Variants in SYNE1 observed in about 807,000 individuals in gnomAD.
SYNE1 encodes the protein nesprin-1.
Under a neutral mutation model 1,111.0 loss-of-function variants are expected in SYNE1, and 616 were observed. The ratio of observed to expected loss-of-function variants is 0.55; its 90% CI spans 0.52 to 0.59. The LOEUF (loss-of-function observed/expected upper bound fraction) is 0.59. SYNE1 is among the 20% of genes least tolerant of loss of function. The probability of loss-of-function intolerance (pLI) is 0.00; values close to 1 mark genes in which losing one functional copy is unlikely to be tolerated. For missense variants in SYNE1, 10,006 were observed against 10,417.0 expected (o/e 0.96, Z 1.72); for synonymous variants, 3,855 against 3,825.8 (o/e 1.01, Z -0.28).
At chr6:152,474,352 A>C (rs1056057409) in intron 14 of SYNE1, among the ~76,000 whole-genome samples, 1 of 152,196 alleles carries the variant, frequency 6.6e-6, no homozygotes, top group Non-Finnish European at 1.5e-5. Context: ...TTAGTAAAAC[A>C]TGACCCAAAA....
intron 98 of SYNE1, among the ~76,000 whole-genome samples, chr6:152,271,206 T>C (rs770044554): frequency 1.3e-5 from 2 of 152,212 alleles, no homozygotes; most frequent in Non-Finnish European, 2.9e-5. Flanking sequence ...TTTAGGGAAA[T>C]AGATGGGATC....
intron 128 of SYNE1, among the ~76,000 whole-genome samples, chr6:152,184,346 A>T (rs2069043794): frequency 6.6e-6 from 1 of 151,486 alleles, no homozygotes; most frequent in South Asian, 2.1e-4. Context: ...CTGAGGCAGT[A>T]GAACTGCTTG....
intron 3 of SYNE1, among the ~76,000 whole-genome samples, chr6:152,556,474 A>T (rs2099365376): frequency 6.6e-6 from 1 of 152,160 alleles, no homozygotes; most frequent in African/African-American, 2.4e-5. Flanking sequence ...GACTGCCCTC[A>T]CAGACCCAAG....
chr6:152,355,314 C>G (rs925518223), intron 66 of SYNE1, among the ~76,000 whole-genome samples: 1 of 152,184 alleles, frequency 6.6e-6, no homozygotes, highest in South Asian at 2.1e-4. Flanking sequence ...CTTATTATAG[C>G]TCATAATCTG....
intron 4 of SYNE1, among the ~76,000 whole-genome samples, chr6:152,537,492 T>G (rs1392272717): frequency 6.6e-6 from 1 of 152,030 alleles, no homozygotes; most frequent in Non-Finnish European, 1.5e-5. Flanking sequence ...AAAAGCATGT[T>G]TTAAAAAACA....
chr6:152,331,484 G>A lies in SYNE1; in HGVS notation c.13201C>T (p.Leu4401=). 1 of 1,614,086 alleles carries A rather than the reference G, an allele frequency of 6.2e-7. No homozygotes were observed. Among genetic ancestry groups the A allele is most frequent in the Non-Finnish European group, 8.5e-7 (1 of 1,179,978 alleles). Reference sequence around the variant, plus strand: ...TCTGCGTCCTTTATAAGCGATTTCAGGAGCATCTGCTTGGCCTCCAGTTCA... The same window carrying A: ...TCTGCGTCCTTTATAAGCGATTTCAAGAGCATCTGCTTGGCCTCCAGTTCA... ...CSELEAKQML[L]KSLIKDADRV... is the part of the protein sequence containing the mutation. Residue 4401 remains leucine (L), a synonymous_variant, in exon 78 of 146, where the codon CTG becomes TTG. Transcript: ENST00000367255.
At chr6:152,308,711 A>G in intron 90 of SYNE1, 79 bp from the exon 91 acceptor site, 1 of 1,475,242 alleles carries the variant, frequency 6.8e-7, no homozygotes, top group East Asian at 2.3e-5. Context: ...CTGTAGTTTA[A>G]CTCCTATTTA....
At chr6:152,251,441 C>T (rs1255799595) in intron 104 of SYNE1, among the ~76,000 whole-genome samples, 1 of 152,042 alleles carries the variant, frequency 6.6e-6, no homozygotes, top group East Asian at 1.9e-4. Flanking sequence ...CTAGTAATCA[C>T]ATGGATATTG....
intron 3 of SYNE1, among the ~76,000 whole-genome samples, chr6:152,589,896 A>G (rs58100937): frequency 0.27 from 40,077 of 150,832 alleles, 7,069 homozygotes; most frequent in African/African-American, 0.49. Flanking sequence ...TTCACTCAGC[A>G]GAGGAACCAG....
intron 32 of SYNE1, among the ~76,000 whole-genome samples, chr6:152,438,815 G>A (rs536095693): frequency 6.6e-6 from 1 of 152,308 alleles, no homozygotes; most frequent in East Asian, 1.9e-4. Flanking sequence ...AGCAAAATGA[G>A]CAAAGAACTA....
intron 33 of SYNE1, chr6:152,435,664 G>A (rs893176874): frequency 1.0e-5 from 5 of 499,072 alleles, no homozygotes; most frequent in African/African-American, 7.8e-5. Context: ...CCTCTACAAT[G>A]TACAAAGGCC....
intron 73 of SYNE1, among the ~76,000 whole-genome samples, chr6:152,346,757 C>T (rs938988594): frequency 7.9e-5 from 12 of 152,048 alleles, no homozygotes; most frequent in African/African-American, 2.9e-4. Context: ...TTGCAGTGAG[C>T]CGAGATCGCG....
chr6:152,139,183 T>C (rs553346961), intron 140 of SYNE1, among the ~76,000 whole-genome samples: 79 of 152,328 alleles, frequency 5.2e-4, no homozygotes, highest in African/African-American at 1.9e-3. Context: ...GAAATTTTAA[T>C]TGGACATTTC....
chr6:152,545,090 G>C lies in SYNE1; in HGVS notation c.68-5069C>G, dbSNP rs541040099. 5.1e-4 allele frequency among the ~76,000 whole-genome samples: 77 copies of C among 152,158 alleles called. No individual in the cohort carries two copies. In the Middle Eastern group the frequency reaches 0.024, roughly 47 times the overall value. On this transcript the variant is annotated intron_variant, in intron 3 of 145. Coordinates refer to ENST00000367255, the MANE Select transcript of SYNE1 (RefSeq NM_182961.4). ...TATGTTTAAAATTTGGACAGTAAAT[G>C]AAATTAGTATATTTTAATATATTGA...
intron 2 of SYNE1, among the ~76,000 whole-genome samples, chr6:152,629,748 C>T (rs567763244): frequency 6.6e-6 from 1 of 151,988 alleles, no homozygotes; most frequent in East Asian, 1.9e-4. Context: ...CGAAGAGGCC[C>T]ACAGGGAGGT....
At chr6:152,596,956 C>T (rs1266816462) in intron 3 of SYNE1, among the ~76,000 whole-genome samples, 3 of 152,116 alleles carry the variant, frequency 2.0e-5, no homozygotes, top group Admixed American at 6.5e-5. Context: ...ACATGAGGGC[C>T]TCCATATGTC....
At chr6:152,324,981 T>A in intron 81 of SYNE1, 103 bp downstream of exon 81, 2 of 1,340,140 alleles carry the variant, frequency 1.5e-6, no homozygotes, top group Non-Finnish European at 2.1e-6. Context: ...AAGCCTTTAT[T>A]ACTTTCATAA....
At chr6:152,204,167 C>G (rs2076054334) in intron 126 of SYNE1, among the ~76,000 whole-genome samples, 1 of 152,028 alleles carries the variant, frequency 6.6e-6, no homozygotes, top group South Asian at 2.1e-4. Flanking sequence ...GAGTTCGAGA[C>G]CAGCCTGGCC....
rs540040544 is a variant in SYNE1, at chr6:152,251,855, A to C, written c.19471-2593T>G. Among the ~76,000 whole-genome samples, 371 of 151,150 alleles carry C rather than the reference A, an allele frequency of 2.5e-3. 2 individuals are homozygous for C. The highest frequency in any genetic ancestry group is 8.7e-3 in the African/African-American group (358 of 41,146). On this transcript the variant is annotated intron_variant, in intron 104 of 145. Transcript: ENST00000367255. The stretch of plus-strand genomic sequence containing the variant: ...ACAACAGGATAATTAAGGTATCCAT[A>C]TATTACAAACATAAAATACATCACT...
Sources: allele counts gnomAD v4.1 joint callset (sites outside exome capture counted in the v4.1 genomes callset), GRCh38; gene constraint gnomAD v4.1.1; transcripts MANE v1.5; gene names NCBI Gene and HGNC (gene_info 2026-07-23, HGNC 2026-07-21).